Variants in HENMT1 observed in about 807,000 individuals in gnomAD.
HENMT1 encodes the protein small RNA 2'-O-methyltransferase.
In HENMT1, 27 loss-of-function variants were observed where a neutral mutation model predicts 31.1. That is an observed-to-expected ratio of 0.87 (90% CI 0.64 to 1.20). HENMT1 has a LOEUF of 1.20. Among genes scored for constraint, HENMT1 ranks in the 50% most tolerant of loss-of-function variants. HENMT1 has a pLI of 0.00. For synonymous variants in HENMT1, 167 were observed against 172.2 expected, an observed-to-expected ratio of 0.97 and a Z score of 0.24; for missense variants, 438 against 469.6, an observed-to-expected ratio of 0.93 and a Z score of 0.62.
chr1:108,654,943 T>C, intron 4 of HENMT1, 93 bp from the exon 5 acceptor site: 3 of 1,254,542 alleles, frequency 2.4e-6, no homozygotes, highest in Non-Finnish European at 3.4e-6. Flanking sequence ...AATTATCTTC[T>C]ACCTCTATTG....
intron 7 of HENMT1, 164 bp downstream of exon 7, chr1:108,650,047 G>A (rs780634000): frequency 6.9e-6 from 5 of 720,064 alleles, no homozygotes; most frequent in South Asian, 5.8e-5. Context: ...GACACCGTAG[G>A]CTAACTCGGA....
chr1:108,660,427 A>C (rs1245750178), intron 1 of HENMT1, among the ~76,000 whole-genome samples: 1 of 152,154 alleles, frequency 6.6e-6, no homozygotes, highest in Non-Finnish European at 1.5e-5. Context: ...CTCAACTTCA[A>C]ATTTTTTCAA....
At chr1:108,658,143 TCCC>T (rs371678739) in intron 2 of HENMT1, among the ~76,000 whole-genome samples, 3 of 148,126 alleles carry the variant, frequency 2.0e-5, no homozygotes, top group Middle Eastern at 3.5e-3. Flanking sequence ...ATTTTTTTTT[TCCC>T]CCCAAGACGG....
chr1:108,661,103 C>T (rs1458778588), upstream of HENMT1: 3 of 615,980 alleles, frequency 4.9e-6, no homozygotes, highest in South Asian at 2.2e-4. Context: ...CGCGCACGCA[C>T]GGCCTCGCTG....
In HENMT1 at chr1:108,655,984, T is replaced by C. The variant is rs552209887; in HGVS notation, c.151-286A>G. On this transcript the variant is annotated intron_variant, in intron 3 of 7. Transcript: ENST00000651461. ...TCCTATTCCAGAACAACTGTTATTG[T>C]CTATATTGAACTAATGAGAAACAAT... Among the ~76,000 whole-genome samples, 30 of 152,266 alleles carry C rather than the reference T, an allele frequency of 2.0e-4. No homozygotes were observed. The South Asian group carries it at 5.2e-3, about 26-fold the overall frequency.
At chr1:108,659,364 A>T (rs1289138210) in intron 2 of HENMT1, among the ~76,000 whole-genome samples, 1 of 143,952 alleles carries the variant, frequency 6.9e-6, no homozygotes, top group Non-Finnish European at 1.5e-5. Flanking sequence ...ACCCTGTCTT[A>T]AAAAAAAAAA....
intron 7 of HENMT1, 69 bp from the exon 8 acceptor site, chr1:108,649,060 C>A: frequency 7.6e-7 from 1 of 1,320,730 alleles, no homozygotes; most frequent in East Asian, 2.5e-5. Context: ...TCAAAGCCAT[C>A]AATAACTTTT....
chr1:108,655,539 C>A, intron 4 of HENMT1, 47 bp downstream of exon 4: 1 of 1,076,784 alleles, frequency 9.3e-7, no homozygotes, highest in Non-Finnish European at 1.4e-6. Flanking sequence ...TCAATAATGC[C>A]ATTAGTTTTA....
chr1:108,655,317 C>T (rs1658183154), intron 4 of HENMT1, among the ~76,000 whole-genome samples: 1 of 152,082 alleles, frequency 6.6e-6, no homozygotes, highest in African/African-American at 2.4e-5. Context: ...ATCATAGTGT[C>T]CAGCATTAAA....
At chr1:108,653,682 G>C (rs769448004) in intron 5 of HENMT1, among the ~76,000 whole-genome samples, 1 of 152,174 alleles carries the variant, frequency 6.6e-6, no homozygotes, top group Non-Finnish European at 1.5e-5. Context: ...GACTAGTGAT[G>C]TTGAGCATTT....
chr1:108,652,278 A>G (rs917973301), intron 5 of HENMT1, among the ~76,000 whole-genome samples: 2 of 152,256 alleles, frequency 1.3e-5, no homozygotes, highest in Non-Finnish European at 2.9e-5. Flanking sequence ...ATAGAATTAC[A>G]TGGTTATGGT....
intron 2 of HENMT1, 135 bp from the exon 3 acceptor site, chr1:108,657,714 C>A: frequency 1.3e-6 from 1 of 770,386 alleles, no homozygotes; most frequent in Non-Finnish European, 2.1e-6. Flanking sequence ...TACCCTTTGT[C>A]CTAAAATCAT....
chr1:108,655,836 G>A, intron 3 of HENMT1, 138 bp from the exon 4 acceptor site: 1 of 402,232 alleles, frequency 2.5e-6, no homozygotes, highest in Non-Finnish European at 4.5e-6. Flanking sequence ...GGATCTTTTT[G>A]GCAGAAGATG....
intron 2 of HENMT1, among the ~76,000 whole-genome samples, chr1:108,659,028 A>T (rs1658356803): frequency 6.6e-6 from 1 of 152,194 alleles, no homozygotes; most frequent in South Asian, 2.1e-4. Context: ...CGAAAATATA[A>T]TTTTTACATA....
intron 2 of HENMT1, 116 bp from the exon 3 acceptor site, chr1:108,657,695 G>A: frequency 1.1e-6 from 1 of 894,076 alleles, no homozygotes; most frequent in Non-Finnish European, 1.7e-6. Flanking sequence ...AAACACACTG[G>A]CCTTCACATA....
At chr1:108,653,075 G>A (rs115821380) in intron 5 of HENMT1, among the ~76,000 whole-genome samples, 3,972 of 146,918 alleles carry the variant, frequency 0.027, 202 homozygotes, top group African/African-American at 0.095. Context: ...GTGCAATGGC[G>A]TGATCTTGGC....
Position 108,648,489 on chromosome 1 carries a change from G to A in HENMT1, c.*77C>T. On this transcript the variant is annotated 3_prime_UTR_variant, in exon 8 of 8. Transcript: ENST00000651461. Reference sequence around the variant, plus strand: ...ACTTTAAAAACATTACTTGAATTAGGATTACACAAAAAAAACTAAATTCTA... The same window carrying A: ...ACTTTAAAAACATTACTTGAATTAGAATTACACAAAAAAAACTAAATTCTA... 1 of 1,203,728 alleles carries A rather than the reference G, an allele frequency of 8.3e-7. No individual in the cohort carries two copies. Among genetic ancestry groups the A allele is most frequent in the Non-Finnish European group, 1.2e-6 (1 of 858,744 alleles). The allele number at this position is 1,203,728 out of a possible 1,614,324, so 74.6% of individuals were successfully genotyped here.
intron 4 of HENMT1, 53 bp downstream of exon 4, chr1:108,655,530 CAAT>C (rs1658205006): frequency 2.0e-6 from 2 of 1,022,500 alleles, no homozygotes; most frequent in Non-Finnish European, 1.5e-6. Context: ...TCTCTAAACT[CAAT>C]AATGCCATTA....
At chr1:108,655,283 A>G (rs985432760) in intron 4 of HENMT1, among the ~76,000 whole-genome samples, 1 of 152,204 alleles carries the variant, frequency 6.6e-6, no homozygotes, top group Admixed American at 6.5e-5. Flanking sequence ...GTTCTGGGGC[A>G]TTTTAAATCC....
Sources: allele counts gnomAD v4.1 joint callset (sites outside exome capture counted in the v4.1 genomes callset), GRCh38; gene constraint gnomAD v4.1.1; transcripts MANE v1.5; gene names NCBI Gene and HGNC (gene_info 2026-07-23, HGNC 2026-07-21).